The following CA12 variants were observed in gnomAD, a reference collection of about 807,000 sequenced individuals.
CA12 encodes the protein carbonate dehydratase XII.
In CA12, 36 loss-of-function variants were observed where a neutral mutation model predicts 46.8. The ratio of observed to expected loss-of-function variants is 0.77; its 90% CI spans 0.59 to 1.02. CA12 has a LOEUF of 1.02. Among genes scored for constraint, CA12 ranks in the 50% least tolerant of loss-of-function variants. The pLI, the probability that CA12 is intolerant of heterozygous loss-of-function variation, is 0.00. For missense variants in CA12, 436 were observed against 451.4 expected (o/e 0.97, Z 0.31); for synonymous variants, 202 against 187.0 (o/e 1.08, Z -0.65).
At chr15:63,350,210 G>T (rs1241692725) in intron 2 of CA12, among the ~76,000 whole-genome samples, 1 of 152,164 alleles carries the variant, frequency 6.6e-6, no homozygotes, top group African/African-American at 2.4e-5. Context: ...AGAGATAGAG[G>T]TGCCATGAGG....
Position 63,323,419 on chromosome 15 carries a change from C to A in CA12, c.*2866G>T, listed in dbSNP as rs538288065. 2 of 151,958 alleles carry A rather than the reference C, an allele frequency of 1.3e-5. No homozygotes were observed. The highest frequency in any genetic ancestry group is 4.8e-5 in the African/African-American group (2 of 41,270). The allele number at this position is 151,958 out of a possible 1,614,324, so 9.4% of individuals were successfully genotyped here. A position where few individuals can be genotyped will look rare whatever the true frequency, so the allele number is the denominator to read the frequency against. Reference sequence around the variant, plus strand: ...GGAGCCAGGTTCTAAGAAGTGGATGCGAGTGACATTATTATTCTGATTAGT... The same window carrying A: ...GGAGCCAGGTTCTAAGAAGTGGATGAGAGTGACATTATTATTCTGATTAGT... On this transcript the variant is annotated 3_prime_UTR_variant, in exon 11 of 11. Coordinates refer to ENST00000178638, the MANE Select transcript of CA12 (RefSeq NM_001218.5). The surrounding 1 kb of genome is among the most constrained non-coding windows in gnomAD (Gnocchi z 5.1).
At chr15:63,369,941 C>T (rs1393056844) in intron 2 of CA12, among the ~76,000 whole-genome samples, 1 of 152,080 alleles carries the variant, frequency 6.6e-6, no homozygotes, top group Admixed American at 6.5e-5. Flanking sequence ...AGCCACAGGC[C>T]AAAAGCCTCC....
chr15:63,342,329 A>G (rs2039089545), intron 4 of CA12, among the ~76,000 whole-genome samples: 1 of 152,192 alleles, frequency 6.6e-6, no homozygotes, highest in Admixed American at 6.5e-5. Flanking sequence ...TACATCAATC[A>G]ATACGTACAA....
intron 2 of CA12, among the ~76,000 whole-genome samples, chr15:63,368,238 C>A (rs1040824204): frequency 4.6e-5 from 7 of 152,172 alleles, no homozygotes; most frequent in Non-Finnish European, 1.0e-4. Flanking sequence ...ATCTTAGGAC[C>A]AATAAAATAG....
rs2039065198 is a variant in CA12, at chr15:63,340,545, C to T, written c.590-100G>A. On this transcript the variant is annotated intron_variant, in intron 6 of 10. Transcript: ENST00000178638. The surrounding 1 kb of genome is among the most constrained non-coding windows in gnomAD (Gnocchi z 4.4). Reference sequence around the variant, plus strand: ...TGAGCCTAGAAACATGAACTAGCCCCTTTCAGGGTCATCTAACCCCAGGAC... The same window carrying T: ...TGAGCCTAGAAACATGAACTAGCCCTTTTCAGGGTCATCTAACCCCAGGAC... The T allele has an allele frequency of 2.0e-6, 3 of 1,520,180 alleles. No individual in the cohort carries two copies. Among genetic ancestry groups the T allele is most frequent in the Non-Finnish European group, 2.7e-6 (3 of 1,095,058 alleles). 94.2% of individuals were successfully genotyped at this position (1,520,180 alleles called of 1,614,324 possible). A position where few individuals can be genotyped will look rare whatever the true frequency, so the allele number is the denominator to read the frequency against.
chr15:63,350,984 G>T (rs2039221756), intron 2 of CA12, among the ~76,000 whole-genome samples: 1 of 152,142 alleles, frequency 6.6e-6, no homozygotes, highest in Non-Finnish European at 1.5e-5. Context: ...ACCACACCTA[G>T]AGAGTTAAGA....
chr15:63,345,747 G>T lies in CA12; in HGVS notation c.287-128C>A. On this transcript the variant is annotated intron_variant, in intron 3 of 10. Coordinates refer to ENST00000178638, the MANE Select transcript of CA12 (RefSeq NM_001218.5). The surrounding 1 kb of genome is among the most constrained non-coding windows in gnomAD (Gnocchi z 4.3). ...GGAGCCCAGAGAGAGGCAGGTGGAT[G>T]GAGTGAGGTGCGGAGCAGAGATGCA... 8.2e-7 allele frequency: 1 copy of T among 1,221,566 alleles called. No individual in the cohort carries two copies. The highest frequency in any genetic ancestry group is 1.2e-6 in the Non-Finnish European group (1 of 861,486). The allele number at this position is 1,221,566 out of a possible 1,614,324, so 75.7% of individuals were successfully genotyped here.
At chr15:63,375,710 A>G (rs2039561682) in intron 1 of CA12, 32 bp from the exon 2 acceptor site, 2 of 1,555,122 alleles carry the variant, frequency 1.3e-6, no homozygotes, top group African/African-American at 1.4e-5. Context: ...AAGTAAGTAC[A>G]ATGGAACCAG....
At chr15:63,334,241 A>G (rs1404709892) in intron 8 of CA12, among the ~76,000 whole-genome samples, 1 of 78,844 alleles carries the variant, frequency 1.3e-5, no homozygotes, top group African/African-American at 6.1e-5. Context: ...TGGAAGAGGC[A>G]CTTTTTTTTT....
chr15:63,370,023 A>G (rs559024637), intron 2 of CA12, among the ~76,000 whole-genome samples: 5 of 152,186 alleles, frequency 3.3e-5, no homozygotes, highest in Non-Finnish European at 5.9e-5. Context: ...GGGCCACACC[A>G]CATCCAGACA....
intron 4 of CA12, among the ~76,000 whole-genome samples, chr15:63,342,400 G>A (rs563483286): frequency 1.1e-3 from 171 of 152,280 alleles, no homozygotes; most frequent in African/African-American, 4.0e-3. Flanking sequence ...CAGGACATAG[G>A]TAGATTTAAC....
rs939751154 is a variant in CA12 at position 63,373,731 on chromosome 15, G to A, written c.106+1927C>T. ...ATCCTGATGTGGGTGATCCCAAGCC[G>A]TAGTTTGAGAAACACTGGTCTAGAC... On this transcript the variant is annotated intron_variant, in intron 2 of 10. Coordinates refer to ENST00000178638, the MANE Select transcript of CA12 (RefSeq NM_001218.5). This position sits in a 1 kb window ranked among gnomAD's most constrained non-coding sequence, Gnocchi z 4.9. Among the ~76,000 whole-genome samples the A allele has an allele frequency of 2.0e-5, 3 of 152,170 alleles. No homozygotes were observed. Among genetic ancestry groups the A allele is most frequent in the African/African-American group, 7.2e-5 (3 of 41,438 alleles).
At chr15:63,353,265 G>C (rs2039256460) in intron 2 of CA12, among the ~76,000 whole-genome samples, 1 of 152,118 alleles carries the variant, frequency 6.6e-6, no homozygotes, top group South Asian at 2.1e-4. Flanking sequence ...TCCCAGAGGA[G>C]GCGCCGTTAA....
chr15:63,376,557 C>T (rs545667091), intron 1 of CA12, among the ~76,000 whole-genome samples: 5 of 104,618 alleles, frequency 4.8e-5, no homozygotes, highest in African/African-American at 1.4e-4. Context: ...CTCTTTCTTT[C>T]CTTTCTTTCT....
intron 8 of CA12, among the ~76,000 whole-genome samples, chr15:63,336,684 G>A (rs2039008976): frequency 6.8e-6 from 1 of 147,614 alleles, no homozygotes; most frequent in African/African-American, 2.5e-5. Context: ...CTGAGTAGCT[G>A]GGATTACCTG....
intron 2 of CA12, among the ~76,000 whole-genome samples, chr15:63,367,084 C>T (rs576498688): frequency 9.9e-5 from 15 of 152,082 alleles, no homozygotes; most frequent in Non-Finnish European, 1.9e-4. Flanking sequence ...CAATGCCTGG[C>T]TAATTTTTGT....
rs1349715015 is a variant in CA12, at chr15:63,340,615, AAC to A, written c.589+103_589+104del. 1.4e-6 allele frequency: 2 copies of A among 1,413,152 alleles called. No homozygotes were observed. Among genetic ancestry groups the A allele is most frequent in the African/African-American group, 1.4e-5 (1 of 70,808 alleles). The allele number at this position is 1,413,152 out of a possible 1,614,324, so 87.5% of individuals were successfully genotyped here. Reference sequence around the variant, plus strand: ...ACAACCTGCTGCTCTTAACCTGGTGAACACAGACAGCACCTGCCCCTTGTGTT... The same window carrying A: ...ACAACCTGCTGCTCTTAACCTGGTGAACAGACAGCACCTGCCCCTTGTGTT... On this transcript the variant is annotated intron_variant, in intron 6 of 10. Coordinates refer to ENST00000178638, the MANE Select transcript of CA12 (RefSeq NM_001218.5). This position sits in a 1 kb window ranked among gnomAD's most constrained non-coding sequence, Gnocchi z 4.4.
At position 63,381,737 on chromosome 15, in the gene CA12, G is replaced by C. The variant is rs748100115; in HGVS notation, c.-17C>G. 14 of 1,561,502 alleles carry C rather than the reference G, an allele frequency of 9.0e-6. No homozygotes were observed. Among genetic ancestry groups the C allele is most frequent in the East Asian group, 2.4e-5 (1 of 41,996 alleles). ...CCGGGGCATCTTCGCGGGCTCCTGC[G>C]GGGCGGGCGCGGGCTGTGCCGGGGG... On this transcript the variant is annotated 5_prime_UTR_variant, in exon 1 of 11. Coordinates refer to ENST00000178638, the MANE Select transcript of CA12 (RefSeq NM_001218.5).
intron 2 of CA12, among the ~76,000 whole-genome samples, chr15:63,364,937 C>T (rs760359544): frequency 1.1e-4 from 17 of 152,238 alleles, no homozygotes; most frequent in Admixed American, 3.9e-4. Context: ...AGCAACTGCA[C>T]TGGTGTGTGT....
Sources: allele counts gnomAD v4.1 joint callset (sites outside exome capture counted in the v4.1 genomes callset), GRCh38; gene constraint gnomAD v4.1.1; non-coding constraint Gnocchi (gnomAD v3.1); transcripts MANE v1.5; gene names NCBI Gene and HGNC (gene_info 2026-07-23, HGNC 2026-07-21).